Variants in NOL10 observed in about 807,000 individuals in gnomAD.
NOL10 encodes the protein nucleolar protein 10, also known as H_NH0074G24.1.
Under a neutral mutation model 103.5 loss-of-function variants are expected in NOL10, and 58 were observed. That is an observed-to-expected ratio of 0.56 (90% CI 0.45 to 0.70). The LOEUF (loss-of-function observed/expected upper bound fraction) is 0.70. Ranked by LOEUF, NOL10 falls within the 30% of genes least tolerant of loss-of-function variation. The pLI is 0.00. For missense variants in NOL10, 763 were observed against 807.3 expected (o/e 0.95, Z 0.67); for synonymous variants, 287 against 282.5 (o/e 1.02, Z -0.16).
intron 17 of NOL10, among the ~76,000 whole-genome samples, chr2:10,599,296 G>C (rs188348567): frequency 2.2e-3 from 335 of 152,286 alleles, no homozygotes; most frequent in African/African-American, 7.7e-3. Flanking sequence ...TGAAGCCTTA[G>C]GGCATGGCAT....
At chr2:10,687,006 G>A (rs2148374500) in intron 1 of NOL10, among the ~76,000 whole-genome samples, 1 of 152,332 alleles carries the variant, frequency 6.6e-6, no homozygotes, top group Admixed American at 6.5e-5. Flanking sequence ...TCGATATGCA[G>A]ATGTGCTTAA....
intron 20 of NOL10, among the ~76,000 whole-genome samples, chr2:10,577,145 G>T (rs534442757): frequency 6.6e-6 from 1 of 152,200 alleles, no homozygotes; most frequent in African/African-American, 2.4e-5. Flanking sequence ...AGAGTAGTCT[G>T]TCTTCTAAAA....
chr2:10,638,300 AACGTGACGTGACGTG>A (rs147968545), intron 13 of NOL10, among the ~76,000 whole-genome samples: 3 of 87,094 alleles, frequency 3.4e-5, no homozygotes, highest in Admixed American at 9.7e-5. Flanking sequence ...AAAATAACGT[AACGTGACGTGACGTG>A]ACGTGACGTG....
intron 3 of NOL10, among the ~76,000 whole-genome samples, chr2:10,676,128 AAC>A (rs1490013715): frequency 6.6e-6 from 1 of 152,272 alleles, no homozygotes; most frequent in Non-Finnish European, 1.5e-5. Flanking sequence ...CAAACAATGA[AAC>A]AGTTTTGTCC....
chr2:10,679,600 C>T (rs7603290), intron 3 of NOL10, among the ~76,000 whole-genome samples: 118,391 of 148,598 alleles, frequency 0.8, 46,877 homozygotes, highest in African/African-American at 0.91. Flanking sequence ...TTCCTCTCTC[C>T]TTCCTCTCTT....
At chr2:10,605,645 G>A (rs1434269500) in intron 14 of NOL10, among the ~76,000 whole-genome samples, 1 of 152,028 alleles carries the variant, frequency 6.6e-6, no homozygotes, top group South Asian at 2.1e-4. Context: ...AACCCAAAAT[G>A]TACTAAACAT....
rs1049999080 is a variant in NOL10, at chr2:10,659,344, G to C, written c.678-94C>G. 4.1e-4 allele frequency: 39 copies of C among 96,172 alleles called. No homozygotes were observed. The East Asian group carries it at 7.8e-3, about 19-fold the overall frequency. 6.0% of individuals were successfully genotyped at this position (96,172 alleles called of 1,614,324 possible). A position where few individuals can be genotyped will look rare whatever the true frequency, so the allele number is the denominator to read the frequency against. On this transcript the variant is annotated intron_variant, in intron 9 of 20. Transcript: ENST00000381685. ...TTAGTCTTCACTTCAAATCTAATGG[G>C]GGGGGGGGGGAGGAATCACATTTCT...
intron 13 of NOL10, among the ~76,000 whole-genome samples, chr2:10,618,245 T>A (rs61424402): frequency 0.34 from 50,601 of 150,756 alleles, 8,911 homozygotes; most frequent in Non-Finnish European, 0.4. Context: ...GCTGTTTTTT[T>A]AAAAAAAAAT....
chr2:10,667,603 A>C (rs1680641935), intron 7 of NOL10, among the ~76,000 whole-genome samples: 1 of 152,206 alleles, frequency 6.6e-6, no homozygotes, highest in Non-Finnish European at 1.5e-5. Flanking sequence ...GGCAGGTAAC[A>C]TTCTTAAAAG....
At chr2:10,612,435 T>C (rs899960279) in intron 13 of NOL10, among the ~76,000 whole-genome samples, 4 of 152,218 alleles carry the variant, frequency 2.6e-5, no homozygotes, top group Non-Finnish European at 5.9e-5. Context: ...GTACTATTAA[T>C]GGAACAAATA....
intron 17 of NOL10, among the ~76,000 whole-genome samples, chr2:10,598,865 A>G (rs887806490): frequency 6.6e-6 from 1 of 152,242 alleles, no homozygotes; most frequent in Non-Finnish European, 1.5e-5. Flanking sequence ...CAATATAATG[A>G]AAAGATCCTA....
intron 13 of NOL10, among the ~76,000 whole-genome samples, chr2:10,617,370 T>C (rs906716716): frequency 6.6e-6 from 1 of 152,170 alleles, no homozygotes; most frequent in Non-Finnish European, 1.5e-5. Context: ...TTCCGGGCAT[T>C]GAAGGAAATC....
chr2:10,632,433 A>T (rs1677911214), intron 13 of NOL10, among the ~76,000 whole-genome samples: 1 of 152,246 alleles, frequency 6.6e-6, no homozygotes, highest in African/African-American at 2.4e-5. Context: ...AACTTTATTT[A>T]CAAAAACAGA....
chr2:10,652,242 A>G (rs1253683438), intron 12 of NOL10, among the ~76,000 whole-genome samples: 5 of 51,000 alleles, frequency 9.8e-5, no homozygotes, highest in Non-Finnish European at 3.5e-4. Flanking sequence ...TCTGTCTCAA[A>G]AAAAAAAAAG....
At chr2:10,625,178 T>C (rs1677381770) in intron 13 of NOL10, among the ~76,000 whole-genome samples, 1 of 152,180 alleles carries the variant, frequency 6.6e-6, no homozygotes, top group East Asian at 1.9e-4. Context: ...GACTATTCTA[T>C]GTGATATTAT....
At chr2:10,640,594 A>G (rs1678634065) in intron 13 of NOL10, among the ~76,000 whole-genome samples, 1 of 151,990 alleles carries the variant, frequency 6.6e-6, no homozygotes, top group East Asian at 1.9e-4. Flanking sequence ...CAAGAAGGCA[A>G]TTTCTCATCA....
chr2:10,640,643 ACTT>A (rs560190071), intron 13 of NOL10, among the ~76,000 whole-genome samples: 34 of 152,114 alleles, frequency 2.2e-4, no homozygotes, highest in Non-Finnish European at 1.2e-4. Context: ...CATACTTCAT[ACTT>A]CTTCTCATCA....
chr2:10,664,850 A>G (rs1008890166), intron 8 of NOL10, among the ~76,000 whole-genome samples: 1 of 152,156 alleles, frequency 6.6e-6, no homozygotes, highest in Non-Finnish European at 1.5e-5. Flanking sequence ...TTGTGTTTTT[A>G]AAAAAATGCT....
chr2:10,599,002 G>A (rs4453662), intron 17 of NOL10, among the ~76,000 whole-genome samples: 89,895 of 151,884 alleles, frequency 0.59, 27,604 homozygotes, highest in African/African-American at 0.74. Context: ...CAACTTGTGA[G>A]GTCATTTCCA....
Sources: allele counts gnomAD v4.1 joint callset (sites outside exome capture counted in the v4.1 genomes callset), GRCh38; gene constraint gnomAD v4.1.1; transcripts MANE v1.5; gene names NCBI Gene and HGNC (gene_info 2026-07-23, HGNC 2026-07-21).